CCDC38: variants seen among roughly 807,000 people sequenced by gnomAD.
The protein encoded by CCDC38 is coiled-coil domain containing 38, also known as coiled-coil domain-containing protein 38.
In CCDC38, 69 loss-of-function variants were observed where a neutral mutation model predicts 72.8. That is an observed-to-expected ratio of 0.95 (90% CI 0.78 to 1.16). The LOEUF is 1.16. Among genes scored for constraint, CCDC38 ranks in the 50% most tolerant of loss-of-function variants. CCDC38 has a pLI of 0.00. For missense variants in CCDC38, 626 were observed against 638.9 expected (o/e 0.98, Z 0.22); for synonymous variants, 201 against 213.2 (o/e 0.94, Z 0.50).
intron 2 of CCDC38, among the ~76,000 whole-genome samples, chr12:95,919,901 G>A (rs1235740948): frequency 6.6e-6 from 1 of 152,174 alleles, no homozygotes; most frequent in Non-Finnish European, 1.5e-5. Flanking sequence ...TTTAAGTGGG[G>A]CAGTCACTTT....
chr12:95,869,543 TTG>T lies in CCDC38; in HGVS notation c.1513_1514del (p.Gln505LysfsTer36). The T allele has an allele frequency of 6.2e-7, 1 of 1,613,534 alleles. No homozygotes were observed. Among genetic ancestry groups the T allele is most frequent in the Non-Finnish European group, 8.5e-7 (1 of 1,179,888 alleles). Reference sequence around the variant, plus strand: ...CTTTTAGCCTTTCCTGTTGGTGTCTTTGTTTTTCTTTCATTTTCTCATCACGA... The same window carrying T: ...CTTTTAGCCTTTCCTGTTGGTGTCTTTTTTTCTTTCATTTTCTCATCACGA... ...KFRDEKMKEKQRHQQERLKAA... is the reference protein window; with the variant it reads ...KFRDEKMKEKXRHQQERLKAA... On this transcript the variant is annotated frameshift_variant, in exon 15 of 16. Coordinates refer to ENST00000344280, the MANE Select transcript of CCDC38 (RefSeq NM_182496.3). LOFTEE classifies it high-confidence loss of function.
At chr12:95,903,832 G>T in intron 5 of CCDC38, 1 of 179,598 alleles carries the variant, frequency 5.6e-6, no homozygotes. Context: ...GAGAGATCTT[G>T]GTCTTTAGCT....
intron 2 of CCDC38, among the ~76,000 whole-genome samples, chr12:95,932,547 G>T (rs2080349267): frequency 6.6e-6 from 1 of 152,070 alleles, no homozygotes; most frequent in South Asian, 2.1e-4. Context: ...ACCCCGAGCA[G>T]CTAGGTTAGT....
intron 9 of CCDC38, among the ~76,000 whole-genome samples, chr12:95,890,600 G>A (rs1434876857): frequency 6.6e-6 from 1 of 152,170 alleles, no homozygotes; most frequent in Admixed American, 6.5e-5. Flanking sequence ...GGCCAGCCAG[G>A]GTATGTCTCA....
Position 95,867,145 on chromosome 12 carries a change from GTT to G in CCDC38, c.1621_1622del (p.Asn541GlnfsTer9). The G allele has an allele frequency of 6.2e-7, 1 of 1,608,876 alleles. No individual in the cohort carries two copies. The highest frequency in any genetic ancestry group is 8.5e-7 in the Non-Finnish European group (1 of 1,177,248). On this transcript the variant is annotated frameshift_variant, in exon 16 of 16. Transcript: ENST00000344280. LOFTEE classifies it low-confidence loss of function (END_TRUNC). ...CATTGACTAAAGGTAGCTGCTGTTTGTTACCAGATGGAGGTTTTGAATGAAAG... is the reference window on the plus strand; with the variant it reads ...CATTGACTAAAGGTAGCTGCTGTTTGACCAGATGGAGGTTTTGAATGAAAG... Reference protein sequence around the residue: ...LVFHSKPPSGNKQQLPLVNET... With the variant: ...LVFHSKPPSGXKQQLPLVNET...
rs544741631 is a variant in CCDC38 at position 95,880,059 on chromosome 12, CAG to C, written c.991-266_991-265del. 304 of 252,088 alleles carry C rather than the reference CAG, an allele frequency of 1.2e-3. 1 individual carries two copies. The highest frequency in any genetic ancestry group is 6.2e-3 in the African/African-American group (281 of 45,056). The allele number at this position is 252,088 out of a possible 1,614,324, so 15.6% of individuals were successfully genotyped here. On this transcript the variant is annotated intron_variant, in intron 11 of 15. Coordinates refer to ENST00000344280, the MANE Select transcript of CCDC38 (RefSeq NM_182496.3). ...GAAGAAGAGGGTGAGGAAAAGGAGA[CAG>C]AGCAGAAGAGGAGGCAAGTGCGGGA...
chr12:95,900,217 A>T (rs2079936287), intron 5 of CCDC38, among the ~76,000 whole-genome samples: 1 of 152,226 alleles, frequency 6.6e-6, no homozygotes, highest in Non-Finnish European at 1.5e-5. Flanking sequence ...GCTGGAGCAG[A>T]GTGAGCAAGA....
chr12:95,889,437 C>T (rs1372771371), intron 9 of CCDC38, among the ~76,000 whole-genome samples: 1 of 152,176 alleles, frequency 6.6e-6, no homozygotes, highest in African/African-American at 2.4e-5. Context: ...CCACCTCCCA[C>T]TCCCTCTACC....
intron 4 of CCDC38, among the ~76,000 whole-genome samples, chr12:95,908,894 G>A (rs1338049664): frequency 1.3e-5 from 2 of 151,794 alleles, no homozygotes; most frequent in Admixed American, 6.6e-5. Flanking sequence ...AATACCAAAT[G>A]TTTCTTTTCA....
At chr12:95,919,585 C>T (rs957461513) in intron 2 of CCDC38, 1 of 455,902 alleles carries the variant, frequency 2.2e-6, no homozygotes, top group Non-Finnish European at 4.4e-6. Flanking sequence ...GTCACAGCTC[C>T]TCTGTCTGTT....
At chr12:95,915,601 G>A (rs1233376498) in intron 4 of CCDC38, among the ~76,000 whole-genome samples, 1 of 151,824 alleles carries the variant, frequency 6.6e-6, no homozygotes, top group African/African-American at 2.4e-5. Context: ...TTTCATGTAG[G>A]TTTGTTTTCA....
intron 12 of CCDC38, among the ~76,000 whole-genome samples, chr12:95,878,775 T>C (rs977979276): frequency 6.6e-6 from 1 of 152,164 alleles, no homozygotes; most frequent in Non-Finnish European, 1.5e-5. Context: ...CTTTCCTGCC[T>C]ACCTGCACCC....
chr12:95,929,184 C>T (rs1292769605), intron 2 of CCDC38, among the ~76,000 whole-genome samples: 2 of 152,218 alleles, frequency 1.3e-5, no homozygotes, highest in African/African-American at 4.8e-5. Flanking sequence ...TGCTAGCAAT[C>T]AGCGAGACTC....
At chr12:95,900,264 T>G (rs544341063) in intron 5 of CCDC38, among the ~76,000 whole-genome samples, 3 of 152,152 alleles carry the variant, frequency 2.0e-5, no homozygotes, top group Non-Finnish European at 4.4e-5. Flanking sequence ...TACACAATAC[T>G]GAATGCCATA....
Position 95,917,191 on chromosome 12 carries a change from C to T in CCDC38, c.242G>A (p.Arg81Lys). 1 of 1,608,662 alleles carries T rather than the reference C, an allele frequency of 6.2e-7. No homozygotes were observed. Among genetic ancestry groups the T allele is most frequent in the East Asian group, 2.3e-5 (1 of 44,424 alleles). ...AAACTTTTCAAATGACCTACCACTC[C>T]TTTTAGGGTAGAAAGCTAGTTGGCT... ...YLSQLAFYPK[R>K]SGRSFEKFGP... Residue 81 changes from arginine to lysine, a missense_variant, in exon 4 of 16, where the codon AGG becomes AAG. Transcript: ENST00000344280.
At chr12:95,873,397 C>A (rs1160025096) in intron 13 of CCDC38, among the ~76,000 whole-genome samples, 1 of 152,150 alleles carries the variant, frequency 6.6e-6, no homozygotes, top group African/African-American at 2.4e-5. Flanking sequence ...CCTACCAAAG[C>A]CTTTTTAGAA....
At chr12:95,904,569 G>C (rs2079982584) in intron 5 of CCDC38, among the ~76,000 whole-genome samples, 1 of 152,244 alleles carries the variant, frequency 6.6e-6, no homozygotes, top group South Asian at 2.1e-4. Context: ...CCTCCCCATG[G>C]AACTAGGAGG....
At chr12:95,930,440 A>G (rs1409539984) in intron 2 of CCDC38, among the ~76,000 whole-genome samples, 1 of 152,072 alleles carries the variant, frequency 6.6e-6, no homozygotes, top group East Asian at 1.9e-4. Context: ...GATTCCTTGG[A>G]TTGTAGATCC....
chr12:95,931,009 C>T (rs1484334477), intron 2 of CCDC38, among the ~76,000 whole-genome samples: 2 of 152,210 alleles, frequency 1.3e-5, no homozygotes, highest in Non-Finnish European at 2.9e-5. Flanking sequence ...TTCTCTGCCT[C>T]ACTGTATTAG....
Sources: allele counts gnomAD v4.1 joint callset (sites outside exome capture counted in the v4.1 genomes callset), GRCh38; gene constraint gnomAD v4.1.1; transcripts MANE v1.5; gene names NCBI Gene and HGNC (gene_info 2026-07-23, HGNC 2026-07-21).